The following ZNF732 variants were observed in gnomAD, a reference collection of about 807,000 sequenced individuals.
ZNF732 encodes zinc finger protein LOC654254.
ZNF732 carries 12 observed loss-of-function variants against 11.5 expected under a neutral mutation model. The ratio of observed to expected loss-of-function variants is 1.05; its 90% CI spans 0.67 to 1.70. The LOEUF is 1.70. ZNF732 is among the 40% of genes most tolerant of loss of function. The pLI is 0.00. For missense variants in ZNF732, 702 were observed against 676.9 expected, an observed-to-expected ratio of 1.04 and a Z score of -0.41; for synonymous variants, 231 against 236.5, an observed-to-expected ratio of 0.98 and a Z score of 0.21.
intron 3 of ZNF732, among the ~76,000 whole-genome samples, 160 bp downstream of exon 3, chr4:295,278 A>G (rs1323909708): frequency 6.6e-6 from 1 of 152,222 alleles, no homozygotes; most frequent in African/African-American, 2.4e-5. Context: ...ACAGCATGGG[A>G]CAGAAGATGC....
At position 272,389 on chromosome 4, in the gene ZNF732, T is replaced by A; in HGVS notation, c.468A>T (p.Ser156=). Residue 156 remains serine (S), a synonymous_variant, in exon 4 of 4, where the codon TCA becomes TCT. Transcript: ENST00000419098. Reference sequence around the variant, plus strand: ...CAGTATGTCTTATCCTACGTTGGTTTGAATTTGAAAATGTACTAAATACTT... The same window carrying A: ...CAGTATGTCTTATCCTACGTTGGTTAGAATTTGAAAATGTACTAAATACTT... ...HVKVFSTFSN[S]NQRRIRHTGE... 6.3e-7 allele frequency: 1 copy of A among 1,598,950 alleles called. No homozygotes were observed. Among genetic ancestry groups the A allele is most frequent in the Non-Finnish European group, 8.5e-7 (1 of 1,171,538 alleles).
intron 3 of ZNF732, among the ~76,000 whole-genome samples, chr4:273,294 A>C (rs1368970132): frequency 2.6e-5 from 4 of 152,116 alleles, no homozygotes; most frequent in Non-Finnish European, 5.9e-5. Flanking sequence ...TCCGTATCAA[A>C]GACAACTGGC....
chr4:283,351 TCAA>T lies in ZNF732; in HGVS notation c.227-10724_227-10722del, dbSNP rs1719654983. ...GAAATGTCTGAATAGATTTAAAAAA[TCAA>T]CAACATGCTGCACACAAGCGACTTA... On this transcript the variant is annotated intron_variant, in intron 3 of 3. Coordinates refer to ENST00000419098, the MANE Select transcript of ZNF732 (RefSeq NM_001137608.3). Among the ~76,000 whole-genome samples the T allele has an allele frequency of 5.3e-5, 8 of 151,992 alleles. No individual in the cohort carries two copies. In the South Asian group the frequency reaches 1.7e-3, roughly 32 times the overall value.
intron 1 of ZNF732, among the ~76,000 whole-genome samples, chr4:299,398 T>TATATACAC (rs1560165063): frequency 2.3e-5 from 1 of 42,758 alleles, no homozygotes; most frequent in African/African-American, 5.7e-5. Flanking sequence ...TATGTACACA[T>TATATACAC]ATGTGTATAT....
intron 1 of ZNF732, among the ~76,000 whole-genome samples, chr4:297,062 G>A (rs1184891684): frequency 6.6e-6 from 1 of 152,200 alleles, no homozygotes; most frequent in African/African-American, 2.4e-5. Flanking sequence ...AAGGTCAGGA[G>A]TTTGAGACCA....
At chr4:285,505 G>A (rs1363819940) in intron 3 of ZNF732, among the ~76,000 whole-genome samples, 1 of 152,166 alleles carries the variant, frequency 6.6e-6, no homozygotes, top group Non-Finnish European at 1.5e-5. Context: ...ATGAAGCTTT[G>A]TCATGGGAGA....
chr4:302,331 C>A (rs1720134487), intron 1 of ZNF732, among the ~76,000 whole-genome samples: 1 of 152,138 alleles, frequency 6.6e-6, no homozygotes, highest in East Asian at 1.9e-4. Flanking sequence ...TGTTTTGTTA[C>A]ATAATTAAAC....
intron 3 of ZNF732, among the ~76,000 whole-genome samples, chr4:290,967 G>A (rs1275789178): frequency 1.3e-5 from 2 of 152,132 alleles, no homozygotes; most frequent in Non-Finnish European, 2.9e-5. Flanking sequence ...TACAGACACA[G>A]GGCTGCTTCA....
chr4:303,560 G>A (rs1720161016), intron 1 of ZNF732, among the ~76,000 whole-genome samples: 1 of 152,216 alleles, frequency 6.6e-6, no homozygotes, highest in Non-Finnish European at 1.5e-5. Context: ...AGGTTGCAGT[G>A]AGCCGATATC....
chr4:301,817 T>C (rs1477485483), intron 1 of ZNF732, among the ~76,000 whole-genome samples: 6 of 152,174 alleles, frequency 3.9e-5, no homozygotes, highest in African/African-American at 1.4e-4. Context: ...TGTATACATA[T>C]GTAACAAACC....
intron 1 of ZNF732, among the ~76,000 whole-genome samples, chr4:304,896 G>A (rs1286963242): frequency 6.6e-6 from 1 of 152,240 alleles, no homozygotes; most frequent in East Asian, 1.9e-4. Flanking sequence ...CATGCCCGGG[G>A]CTGTCCCATT....
In ZNF732 at chr4:271,719, G is replaced by A; in HGVS notation, c.1138C>T (p.His380Tyr). The change falls in exon 4 of 4, where the codon CAT becomes TAT. Residue 380 changes from histidine to tyrosine, a missense_variant. By Grantham distance (83) the His-to-Tyr change is moderately conservative. Transcript: ENST00000419098. ...AFRQSATLNK[H>Y]KSIHTGEKPY... ...TTCTCTCCAGTATGAATACTCTTATGTTTATTAAGGGTTGCGGATTGTCTA... is the reference window on the plus strand; with the variant it reads ...TTCTCTCCAGTATGAATACTCTTATATTTATTAAGGGTTGCGGATTGTCTA... 4 of 1,612,582 alleles carry A rather than the reference G, an allele frequency of 2.5e-6. No homozygotes were observed. The highest frequency in any genetic ancestry group is 2.5e-6 in the Non-Finnish European group (3 of 1,179,240).
chr4:272,384 T>C lies in ZNF732; in HGVS notation c.473A>G (p.Gln158Arg). ...CTCTCCAGTATGTCTTATCCTACGT[T>C]GGTTTGAATTTGAAAATGTACTAAA... ...KVFSTFSNSN[Q>R]RRIRHTGEKH... Residue 158 changes from glutamine (Q) to arginine (R), a missense_variant, in exon 4 of 4, where the codon CAA becomes CGA. Around this residue, in one of 3 missense-constraint regions of ZNF732, gnomAD observed 596 missense variants for 557.9 expected, o/e 1.07. Coordinates refer to ENST00000419098, the MANE Select transcript of ZNF732 (RefSeq NM_001137608.3). The C allele has an allele frequency of 1.9e-6, 3 of 1,599,978 alleles. No homozygotes were observed. In the African/African-American group the frequency reaches 4.0e-5, roughly 21 times the overall value.
At chr4:295,235 A>C in intron 3 of ZNF732, among the ~76,000 whole-genome samples, 1 of 152,226 alleles carries the variant, frequency 6.6e-6, no homozygotes, top group Non-Finnish European at 1.5e-5. Context: ...TTGAAGGGAG[A>C]TCACTAAAGA....
At position 275,017 on chromosome 4, in the gene ZNF732, G is replaced by A. The variant is rs1444695369; in HGVS notation, c.227-2387C>T. Among the ~76,000 whole-genome samples, 3 of 151,538 alleles carry A rather than the reference G, an allele frequency of 2.0e-5. No homozygotes were observed. The East Asian group carries it at 5.8e-4, about 29-fold the overall frequency. On this transcript the variant is annotated intron_variant, in intron 3 of 3. Transcript: ENST00000419098. ...ATGAAACAAGATAAAATATTCATAA[G>A]GAAACAGGAGACTTGAAACCAGTAT...
intron 3 of ZNF732, among the ~76,000 whole-genome samples, chr4:275,068 T>C (rs1719464715): frequency 6.6e-6 from 1 of 151,656 alleles, no homozygotes; most frequent in South Asian, 2.1e-4. Flanking sequence ...AACAGAACTG[T>C]AGAGAACACT....
At chr4:280,294 GA>G (rs59901961) in intron 3 of ZNF732, among the ~76,000 whole-genome samples, 145 of 142,732 alleles carry the variant, frequency 1.0e-3, no homozygotes, top group Non-Finnish European at 1.3e-3. Context: ...ACAGCAGTAA[GA>G]AAAAAAAAAA....
intron 1 of ZNF732, among the ~76,000 whole-genome samples, chr4:303,587 G>C (rs1453930480): frequency 6.6e-6 from 1 of 152,248 alleles, no homozygotes; most frequent in African/African-American, 2.4e-5. Context: ...CTGCCCTCCA[G>C]CCTGGGCAAC....
Position 271,604 on chromosome 4 carries a change from T to C in ZNF732, c.1253A>G (p.His418Arg). The change falls in exon 4 of 4, where the codon CAC (histidine) becomes CGC (arginine). Residue 418 changes from histidine to arginine, a missense_variant. By Grantham distance (29) the His-to-Arg change is conservative (BLOSUM62 0). Coordinates refer to ENST00000419098, the MANE Select transcript of ZNF732 (RefSeq NM_001137608.3). ...HKRIHTGERP[H>R]KCEECGKAFG... ...GGCTTTGCCACACTCTTCACATTTG[T>C]GGGGCCTCTCTCCAGTATGAATTCT... 6.2e-7 allele frequency: 1 copy of C among 1,612,942 alleles called. No homozygotes were observed. The highest frequency in any genetic ancestry group is 8.5e-7 in the Non-Finnish European group (1 of 1,179,426).
Sources: allele counts gnomAD v4.1 joint callset (sites outside exome capture counted in the v4.1 genomes callset), GRCh38; gene constraint gnomAD v4.1.1; regional missense constraint gnomAD v4.1.1; transcripts MANE v1.5; gene names NCBI Gene and HGNC (gene_info 2026-07-23, HGNC 2026-07-21).